The following ALK variants were observed in gnomAD, a reference collection of about 807,000 sequenced individuals.
ALK encodes the protein ALK tyrosine kinase receptor.
Under a neutral mutation model 163.1 loss-of-function variants are expected in ALK, and 74 were observed. The ratio of observed to expected loss-of-function variants is 0.45; its 90% CI spans 0.38 to 0.55. ALK has a LOEUF of 0.55. Among genes scored for constraint, ALK ranks in the 20% least tolerant of loss-of-function variants. The pLI is 0.00. For missense variants in ALK, 2,063 were observed against 2,105.3 expected (o/e 0.98, Z 0.39); for synonymous variants, 960 against 843.2 (o/e 1.14, Z -2.40).
At chr2:29,277,434 A>G (rs1439849821) in intron 9 of ALK, among the ~76,000 whole-genome samples, 1 of 152,250 alleles carries the variant, frequency 6.6e-6, no homozygotes, top group Non-Finnish European at 1.5e-5. Flanking sequence ...AATAACTGTG[A>G]TCGATTATGC....
intron 9 of ALK, among the ~76,000 whole-genome samples, chr2:29,277,451 G>A (rs1665576997): frequency 6.6e-6 from 1 of 152,206 alleles, no homozygotes; most frequent in Non-Finnish European, 1.5e-5. Context: ...ATGCTTAACT[G>A]AACTACTCCA....
chr2:29,517,104 T>C (rs1441485869), intron 4 of ALK, among the ~76,000 whole-genome samples: 5 of 152,212 alleles, frequency 3.3e-5, no homozygotes, highest in African/African-American at 9.6e-5. Context: ...GTTCAGTGTA[T>C]GTTTTGATGA....
intron 3 of ALK, among the ~76,000 whole-genome samples, chr2:29,590,789 A>G (rs1200531647): frequency 6.6e-6 from 1 of 152,090 alleles, no homozygotes; most frequent in African/African-American, 2.4e-5. Flanking sequence ...ATCCCACTGC[A>G]GGCCGGGCGC....
intron 1 of ALK, among the ~76,000 whole-genome samples, chr2:29,720,438 C>T (rs745798076): frequency 4.6e-5 from 7 of 152,114 alleles, no homozygotes; most frequent in Non-Finnish European, 1.0e-4. Context: ...GAATTTCTTC[C>T]AGCCAGTGGG....
chr2:29,824,383 C>G (rs1665136092), intron 1 of ALK, among the ~76,000 whole-genome samples: 1 of 152,212 alleles, frequency 6.6e-6, no homozygotes, highest in Non-Finnish European at 1.5e-5. Context: ...TGGCCACTGT[C>G]CTCCAGGCCC....
At chr2:29,581,650 G>A (rs961070972) in intron 3 of ALK, among the ~76,000 whole-genome samples, 6 of 152,168 alleles carry the variant, frequency 3.9e-5, no homozygotes, top group African/African-American at 1.2e-4. Flanking sequence ...GGCTAAAGAA[G>A]TGGGAGTTGC....
intron 3 of ALK, among the ~76,000 whole-genome samples, chr2:29,583,413 G>C (rs1674784081): frequency 6.6e-6 from 1 of 152,060 alleles, no homozygotes; most frequent in South Asian, 2.1e-4. Flanking sequence ...GAATTTTGCA[G>C]CCTGTCTCTG....
intron 3 of ALK, among the ~76,000 whole-genome samples, chr2:29,686,892 G>T (rs116683134): frequency 0.012 from 1,806 of 152,294 alleles, 42 homozygotes; most frequent in African/African-American, 0.042. Context: ...ACATTAGATG[G>T]AAAGAATCAC....
At chr2:29,259,307 T>C (rs1665026167) in intron 11 of ALK, among the ~76,000 whole-genome samples, 1 of 152,196 alleles carries the variant, frequency 6.6e-6, no homozygotes. Flanking sequence ...TGATTTTGTG[T>C]ACTGTACTAC....
intron 3 of ALK, among the ~76,000 whole-genome samples, chr2:29,655,505 G>C (rs954028): frequency 6.6e-6 from 1 of 152,104 alleles, no homozygotes; most frequent in African/African-American, 2.4e-5. Flanking sequence ...TAACAACAGA[G>C]TGCATGAGGA....
intron 3 of ALK, among the ~76,000 whole-genome samples, chr2:29,680,573 A>C (rs1301569870): frequency 2.0e-5 from 3 of 151,920 alleles, no homozygotes; most frequent in African/African-American, 7.2e-5. Context: ...TCAGTTTTTC[A>C]GTTATTATTG....
At chr2:29,848,021 T>C (rs1398658288) in intron 1 of ALK, among the ~76,000 whole-genome samples, 2 of 151,792 alleles carry the variant, frequency 1.3e-5, no homozygotes, top group African/African-American at 4.8e-5. Context: ...TGGACTTAAA[T>C]CCCCCCATAA....
intron 4 of ALK, among the ~76,000 whole-genome samples, chr2:29,528,181 A>C (rs767007284): frequency 2.6e-5 from 4 of 152,256 alleles, no homozygotes; most frequent in Non-Finnish European, 5.9e-5. Context: ...AGTTCTGGTC[A>C]TACATAATAA....
chr2:29,413,288 A>G (rs1669776788), intron 4 of ALK, among the ~76,000 whole-genome samples: 1 of 152,178 alleles, frequency 6.6e-6, no homozygotes, highest in Admixed American at 6.5e-5. Context: ...TTTTCTTTAT[A>G]AGTAGAAAGA....
chr2:29,602,107 A>T (rs1675394785), intron 3 of ALK, among the ~76,000 whole-genome samples: 1 of 152,184 alleles, frequency 6.6e-6, no homozygotes, highest in Non-Finnish European at 1.5e-5. Flanking sequence ...AAGCTGAGCA[A>T]ACTCGATATG....
intron 4 of ALK, among the ~76,000 whole-genome samples, chr2:29,512,985 C>T (rs1466313426): frequency 2.0e-5 from 3 of 151,158 alleles, no homozygotes; most frequent in Non-Finnish European, 2.9e-5. Flanking sequence ...AACCACTGCT[C>T]AATGAAATAA....
intron 1 of ALK, among the ~76,000 whole-genome samples, chr2:29,913,275 G>T (rs1256616881): frequency 6.6e-6 from 1 of 152,140 alleles, no homozygotes; most frequent in Non-Finnish European, 1.5e-5. Flanking sequence ...CCCAAGCTCA[G>T]AACAGCCAGC....
intron 22 of ALK, chr2:29,221,177 C>G (rs753397260): frequency 3.5e-5 from 19 of 547,628 alleles, no homozygotes; most frequent in Non-Finnish European, 6.9e-5. Flanking sequence ...AATTCATGGT[C>G]GATTTCTCCC....
At chr2:29,388,334 G>A (rs539294820) in intron 4 of ALK, among the ~76,000 whole-genome samples, 1 of 152,206 alleles carries the variant, frequency 6.6e-6, no homozygotes, top group Non-Finnish European at 1.5e-5. Flanking sequence ...ATCATACTTT[G>A]CTTCTGTGCA....
Sources: gnomAD v4.1 joint callset for allele counts (sites outside exome capture counted in the v4.1 genomes callset) on GRCh38, gnomAD v4.1.1 for gene constraint, MANE v1.5 for transcripts, NCBI Gene and HGNC (gene_info 2026-07-23, HGNC 2026-07-21) for gene names.